Variants in SETX observed in about 807,000 individuals in gnomAD.
The protein encoded by SETX is helicase senataxin.
Under a neutral mutation model 227.2 loss-of-function variants are expected in SETX, and 90 were observed. That is an observed-to-expected ratio of 0.40 (90% confidence interval 0.33 to 0.47). The LOEUF is 0.47. Among genes scored for constraint, SETX ranks in the 20% least tolerant of loss-of-function variants. The pLI, the probability that SETX is intolerant of heterozygous loss-of-function variation, is 0.91. For synonymous variants in SETX, 1,210 were observed against 1,113.2 expected (o/e 1.09, Z -1.73); for missense variants, 3,052 against 3,181.5 (o/e 0.96, Z 0.98).
rs1490274363 is a variant in SETX, at chr9:132,262,217, G to A, written c.*2022C>T. ...TTCACTGGAAATAATATTGTTCAGT[G>A]TGTGGCGGCAAAATATGCATTTTAG... On this transcript the variant is annotated 3_prime_UTR_variant, in exon 26 of 26. Transcript: ENST00000224140. 6.6e-6 allele frequency: 1 copy of A among 152,226 alleles called. No individual in the cohort carries two copies. The highest frequency in any genetic ancestry group is 2.4e-5 in the African/African-American group (1 of 41,450). 9.4% of individuals were successfully genotyped at this position (152,226 alleles called of 1,614,324 possible).
intron 15 of SETX, among the ~76,000 whole-genome samples, chr9:132,293,779 T>C (rs1247756771): frequency 1.3e-5 from 2 of 151,956 alleles, no homozygotes; most frequent in African/African-American, 4.8e-5. Flanking sequence ...CCCCAGCACT[T>C]TGGGAGGCCG....
Position 132,334,739 on chromosome 9 carries a change from T to G in SETX, c.719-12A>C, listed in dbSNP as rs1465312821. ...CAACATGCAAATACCTGTAAGATCA[T>G]TTAGAGTTATCTTGAATTGATGAAA... On this transcript the variant is annotated splice_polypyrimidine_tract_variant and intron_variant, in intron 6 of 25. Coordinates refer to ENST00000224140, the MANE Select transcript of SETX (RefSeq NM_015046.7). 3 of 1,613,544 alleles carry G rather than the reference T, an allele frequency of 1.9e-6. No individual in the cohort carries two copies. Among genetic ancestry groups the G allele is most frequent in the African/African-American group, 2.7e-5 (2 of 74,920 alleles).
At chr9:132,281,333 CT>C in intron 20 of SETX, 133 bp downstream of exon 20, 3 of 679,608 alleles carry the variant, frequency 4.4e-6, no homozygotes, top group Non-Finnish European at 2.6e-6. Context: ...TTAAGTGCTT[CT>C]CTTTTCTTAG....
intron 23 of SETX, among the ~76,000 whole-genome samples, chr9:132,273,297 G>A (rs1842987266): frequency 6.6e-6 from 1 of 152,026 alleles, no homozygotes; most frequent in Non-Finnish European, 1.5e-5. Flanking sequence ...AGAGTAGTTG[G>A]GATTACAGGC....
intron 10 of SETX, 136 bp from the exon 11 acceptor site, chr9:132,311,992 G>A (rs578002773): frequency 2.5e-5 from 18 of 717,504 alleles, no homozygotes; most frequent in South Asian, 1.4e-4. Context: ...ATTGATTCAC[G>A]GCAGGTTAAT....
intron 18 of SETX, among the ~76,000 whole-genome samples, chr9:132,285,129 G>A (rs549872369): frequency 1.8e-4 from 28 of 151,974 alleles, no homozygotes; most frequent in South Asian, 8.3e-4. Context: ...CGCCCGCCTC[G>A]GCCTCCCAAA....
At chr9:132,273,970 C>T (rs1157817562) in intron 23 of SETX, among the ~76,000 whole-genome samples, 1 of 146,022 alleles carries the variant, frequency 6.8e-6, no homozygotes, top group South Asian at 2.2e-4. Flanking sequence ...CCTTTGTATT[C>T]TTTTTTTTTT....
intron 15 of SETX, among the ~76,000 whole-genome samples, chr9:132,290,730 A>G (rs1206333069): frequency 1.3e-5 from 2 of 152,022 alleles, no homozygotes; most frequent in Admixed American, 6.6e-5. Context: ...CTCCACCTCT[A>G]TCAAAATTGA....
intron 10 of SETX, among the ~76,000 whole-genome samples, chr9:132,320,517 C>T (rs1412901150): frequency 6.8e-6 from 1 of 146,950 alleles, no homozygotes; most frequent in Non-Finnish European, 1.5e-5. Context: ...TGGTGTGAAC[C>T]CGGGAGGCAG....
chr9:132,264,428 AG>A lies in SETX; in HGVS notation c.7844del (p.Ala2615ValfsTer68). On this transcript the variant is annotated frameshift_variant, in exon 26 of 26. Coordinates refer to ENST00000224140, the MANE Select transcript of SETX (RefSeq NM_015046.7). LOFTEE classifies it low-confidence loss of function (END_TRUNC). ...CATCACATTTGCTCTGACACGTGGA[AG>A]CCTCGGGACTGGCAGCTGGAGGTTC... ...RGEPPAASPE[A>X]STCQSKCDDP... is the part of the protein sequence containing the mutation. 6.2e-7 allele frequency: 1 copy of A among 1,614,012 alleles called. No individual in the cohort carries two copies. Among genetic ancestry groups the A allele is most frequent in the South Asian group, 1.1e-5 (1 of 91,064 alleles).
intron 18 of SETX, among the ~76,000 whole-genome samples, chr9:132,284,741 T>C (rs1264151879): frequency 6.6e-6 from 1 of 152,186 alleles, no homozygotes; most frequent in Non-Finnish European, 1.5e-5. Flanking sequence ...TACTTTCTTT[T>C]GCCGAATTCT....
chr9:132,299,077 G>A (rs907297925), intron 12 of SETX, among the ~76,000 whole-genome samples: 8 of 152,204 alleles, frequency 5.3e-5, no homozygotes, highest in African/African-American at 9.7e-5. Flanking sequence ...ACTAGTAGAC[G>A]TGGGAACTGG....
chr9:132,308,377 T>C (rs1845454708), intron 11 of SETX, among the ~76,000 whole-genome samples: 1 of 151,564 alleles, frequency 6.6e-6, no homozygotes. Flanking sequence ...GGGGATGCAA[T>C]ATCAGCAAAA....
chr9:132,269,859 T>G (rs1015189533), intron 24 of SETX, among the ~76,000 whole-genome samples, 157 bp from the exon 25 acceptor site: 1 of 148,744 alleles, frequency 6.7e-6, no homozygotes, highest in Non-Finnish European at 1.5e-5. Flanking sequence ...GACTCTAGAA[T>G]GACTCAGCGT....
chr9:132,267,782 C>A (rs2131129359), intron 25 of SETX, among the ~76,000 whole-genome samples: 1 of 152,296 alleles, frequency 6.6e-6, no homozygotes, highest in East Asian at 1.9e-4. Flanking sequence ...TACAGAATAA[C>A]CTTGCAAACC....
chr9:132,309,679 T>C (rs1053882099), intron 11 of SETX, among the ~76,000 whole-genome samples: 11 of 151,706 alleles, frequency 7.3e-5, no homozygotes, highest in African/African-American at 1.5e-4. Context: ...CATCTCTATA[T>C]TTAAGAAAGA....
In SETX at chr9:132,298,274, T is replaced by C. The variant is rs758828203; in HGVS notation, c.5587A>G (p.Thr1863Ala). ...GKTECYLSIQ[T>A]QENFPANLNE... The stretch of plus-strand genomic sequence containing the variant: ...AAATTGGCCGGAAAGTTCTCTTGAG[T>C]CTGGATGGAAAGGTAACACTCAGTT... The change falls in exon 13 of 26, where the codon ACT (threonine) becomes GCT (alanine). Residue 1863 changes from threonine (T) to alanine (A), a missense_variant. By Grantham distance (58) the Thr-to-Ala change is moderately conservative. Coordinates refer to ENST00000224140, the MANE Select transcript of SETX (RefSeq NM_015046.7). 1.2e-6 allele frequency: 2 copies of C among 1,614,068 alleles called. No individual in the cohort carries two copies. Among genetic ancestry groups the C allele is most frequent in the Admixed American group, 1.7e-5 (1 of 60,000 alleles).
chr9:132,350,890 T>C (rs1359492947), intron 2 of SETX, among the ~76,000 whole-genome samples: 1 of 152,152 alleles, frequency 6.6e-6, no homozygotes, highest in African/African-American at 2.4e-5. Context: ...AGTTACACAG[T>C]TCTCATCGAC....
chr9:132,302,865 A>G (rs925723210), intron 11 of SETX, among the ~76,000 whole-genome samples: 5 of 152,148 alleles, frequency 3.3e-5, no homozygotes, highest in Non-Finnish European at 5.9e-5. Flanking sequence ...CTATACAGAT[A>G]AAGAAAACGG....
Sources: allele counts gnomAD v4.1 joint callset (sites outside exome capture counted in the v4.1 genomes callset), GRCh38; gene constraint gnomAD v4.1.1; transcripts MANE v1.5; gene names NCBI Gene and HGNC (gene_info 2026-07-23, HGNC 2026-07-21).